Variants in BRD4 observed in about 807,000 individuals in gnomAD.
BRD4 encodes bromodomain containing 4, also known as bromodomain-containing protein 4.
Under a neutral mutation model 142.1 loss-of-function variants are expected in BRD4, and 16 were observed. The observed-to-expected ratio is 0.11, with a 90% CI of 0.08 to 0.17. The LOEUF is 0.17. Ranked by LOEUF, BRD4 falls within the 10% of genes least tolerant of loss-of-function variation. BRD4 has a pLI of 1.00. For missense variants in BRD4, 1,424 were observed against 1,810.9 expected (o/e 0.79, Z 3.88); for synonymous variants, 833 against 707.5 (o/e 1.18, Z -2.82).
chr19:15,288,965 C>T (rs1489653798), intron 1 of BRD4, among the ~76,000 whole-genome samples: 1 of 152,228 alleles, frequency 6.6e-6, no homozygotes, highest in Non-Finnish European at 1.5e-5. Context: ...CTCCTCCACT[C>T]CTGAACATGA....
rs553993519 is a variant in BRD4, at chr19:15,239,700, T to C, written c.3404A>G (p.Lys1135Arg). The change falls in exon 16 of 20, where the codon AAG (lysine) becomes AGG (arginine). Residue 1135 changes from lysine (K) to arginine (R), a missense_variant. By Grantham distance (26) the Lys-to-Arg change is conservative. Around this residue, in one of 16 missense-constraint regions of BRD4, gnomAD observed 598 missense variants for 647.8 expected, o/e 0.92. Coordinates refer to ENST00000679869, the MANE Select transcript of BRD4 (RefSeq NM_001379291.1). The surrounding 1 kb of genome is among the most constrained non-coding windows in gnomAD (Gnocchi z 7.4). ...FSPSLRPEPP[K>R]HPESIKAPVH... The stretch of plus-strand genomic sequence containing the variant: ...GGGGGCCTTGATGCTCTCCGGGTGC[T>C]TGGGGGGCTCCGGCCGCAGCGAGGG... 6.9e-6 allele frequency: 11 copies of C among 1,595,566 alleles called. No individual in the cohort carries two copies. Among genetic ancestry groups the C allele is most frequent in the African/African-American group, 6.7e-5 (5 of 74,512 alleles).
At chr19:15,330,064 C>G (rs2048143737) in intron 1 of BRD4, among the ~76,000 whole-genome samples, 1 of 152,250 alleles carries the variant, frequency 6.6e-6, no homozygotes, top group African/African-American at 2.4e-5. Flanking sequence ...GCCAAACAAT[C>G]CTTAAAACTC....
chr19:15,263,273 C>T (rs2047494008), intron 7 of BRD4, 147 bp downstream of exon 7: 8 of 1,032,224 alleles, frequency 7.8e-6, no homozygotes, highest in Non-Finnish European at 1.1e-5. Context: ...ATGCACTAGG[C>T]TGACTTTAGG....
intron 7 of BRD4, among the ~76,000 whole-genome samples, chr19:15,257,971 G>C (rs2047430796): frequency 6.6e-6 from 1 of 152,160 alleles, no homozygotes; most frequent in African/African-American, 2.4e-5. Context: ...CTGGGGTCTG[G>C]CCACACATAC....
intron 3 of BRD4, 74 bp from the exon 4 acceptor site, chr19:15,267,625 C>T: frequency 9.7e-7 from 1 of 1,035,228 alleles, no homozygotes; most frequent in South Asian, 1.9e-5. Flanking sequence ...CACCCCATGC[C>T]ACCCACCCCC....
At chr19:15,245,242 T>C (rs944352160) in intron 11 of BRD4, among the ~76,000 whole-genome samples, 2 of 152,092 alleles carry the variant, frequency 1.3e-5, no homozygotes, top group African/African-American at 4.8e-5. Context: ...AAGCAGCTTC[T>C]CGGGGGCCTC....
chr19:15,262,071 A>G, intron 7 of BRD4, among the ~76,000 whole-genome samples: 1 of 152,166 alleles, frequency 6.6e-6, no homozygotes, highest in East Asian at 1.9e-4. Context: ...CCTGATCCAC[A>G]GAGAATAGGA....
At position 15,244,350 on chromosome 19, in the gene BRD4, C is replaced by T. The variant is rs2145515852; in HGVS notation, c.2462G>A (p.Gly821Asp). The change falls in exon 13 of 20, where the codon GGC (glycine) becomes GAC (aspartate). Residue 821 changes from glycine (G) to aspartate (D), a missense_variant. By Grantham distance (94) the Gly-to-Asp change is moderately conservative. This residue lies in a region of BRD4 where 598 missense variants were observed against 647.8 expected (regional missense o/e 0.92). Transcript: ENST00000679869. ...QLPGSVFDPI[G>D]HFTQPILHLP... Reference sequence around the variant, plus strand: ...GTGCAGGATGGGCTGGGTGAAGTGGCCGATGGGGTCAAAGACGCTGCCTGG... The same window carrying T: ...GTGCAGGATGGGCTGGGTGAAGTGGTCGATGGGGTCAAAGACGCTGCCTGG... 8.1e-6 allele frequency: 13 copies of T among 1,603,452 alleles called. No individual in the cohort carries two copies. The highest frequency in any genetic ancestry group is 1.0e-5 in the Non-Finnish European group (12 of 1,177,250).
In BRD4 at chr19:15,239,322, TG is replaced by T. The variant is rs974664417; in HGVS notation, c.3577-59del. The T allele has an allele frequency of 1.9e-6, 3 of 1,613,494 alleles. No homozygotes were observed. The African/African-American group carries it at 4.0e-5, about 22-fold the overall frequency. ...GTCTGCTGTGCCTAAAGGGCATAGC[TG>T]GGGGTGTGCCCAGCATGGCACCTTC... is the stretch of plus-strand genomic sequence containing the variant. On this transcript the variant is annotated intron_variant, in intron 17 of 19. Coordinates refer to ENST00000679869, the MANE Select transcript of BRD4 (RefSeq NM_001379291.1). This position sits in a 1 kb window ranked among gnomAD's most constrained non-coding sequence, Gnocchi z 7.4.
chr19:15,248,941 C>T, intron 11 of BRD4: 1 of 453,764 alleles, frequency 2.2e-6, no homozygotes, highest in South Asian at 2.6e-5. Flanking sequence ...AGAGTAGCAC[C>T]ACATGAATGC....
At chr19:15,246,235 T>G (rs2047284952) in intron 11 of BRD4, among the ~76,000 whole-genome samples, 1 of 151,744 alleles carries the variant, frequency 6.6e-6, no homozygotes, top group African/African-American at 2.4e-5. Flanking sequence ...AAAGCTTGAG[T>G]AGATTTGCAG....
intron 1 of BRD4, among the ~76,000 whole-genome samples, chr19:15,283,350 A>T (rs2047718790): frequency 6.6e-6 from 1 of 152,226 alleles, no homozygotes; most frequent in Non-Finnish European, 1.5e-5. Flanking sequence ...TCCGGATGAC[A>T]TCACACCGGT....
In BRD4 at chr19:15,329,228, T is replaced by C. The variant is rs1599537829; in HGVS notation, c.-35+3062A>G. On this transcript the variant is annotated intron_variant, in intron 1 of 19. Transcript: ENST00000679869. ...AGACACCAAAAATCACAAAGATTTA[T>C]GAAACATTAGGAGCTCCAATGACAA... Among the ~76,000 whole-genome samples the C allele has an allele frequency of 2.0e-5, 3 of 152,302 alleles. No individual in the cohort carries two copies. The East Asian group carries it at 5.8e-4, about 29-fold the overall frequency.
intron 7 of BRD4, among the ~76,000 whole-genome samples, chr19:15,262,859 A>C (rs374183030): frequency 2.0e-5 from 3 of 152,154 alleles, no homozygotes; most frequent in East Asian, 1.9e-4. Flanking sequence ...CCTTTTTTAA[A>C]AAAATTAAGT....
chr19:15,332,523 G>GCCT lies in BRD4; in HGVS notation c.-269_-268insAGG, dbSNP rs1228513209. On this transcript the variant is annotated 5_prime_UTR_variant, in exon 1 of 20. Transcript: ENST00000679869. The stretch of plus-strand genomic sequence containing the variant: ...CCCAGCCGCCGCCGCCGCCGCCGCC[G>GCCT]CCGCCGCCAGCGCACTGACGTCACC... 1 of 162,914 alleles carries GCCT rather than the reference G, an allele frequency of 6.1e-6. No homozygotes were observed. The highest frequency in any genetic ancestry group is 1.2e-5 in the Non-Finnish European group (1 of 80,882). The allele number at this position is 162,914 out of a possible 1,614,324, so 10.1% of individuals were successfully genotyped here. A position where few individuals can be genotyped will look rare whatever the true frequency, so the allele number is the denominator to read the frequency against.
At position 15,256,113 on chromosome 19, in the gene BRD4, G is replaced by C; in HGVS notation, c.1702C>G (p.Pro568Ala). The C allele has an allele frequency of 4.3e-6, 7 of 1,611,872 alleles. No homozygotes were observed. The highest frequency in any genetic ancestry group is 5.1e-6 in the Non-Finnish European group (6 of 1,179,844). Reference sequence around the variant, plus strand: ...TTTTTCTTCGTCTTTTTAGGAGGAGGTTCCTTGGCTTTGCTTTTTTTATTC... The same window carrying C: ...TTTTTCTTCGTCTTTTTAGGAGGAGCTTCCTTGGCTTTGCTTTTTTTATTC... ...EENKKSKAKE[P>A]PPKKTKKNNS... is the part of the protein sequence containing the mutation. The change falls in exon 9 of 20, where the codon CCT (proline) becomes GCT (alanine). Residue 568 changes from proline to alanine, a missense_variant. Around this residue, in one of 16 missense-constraint regions of BRD4, gnomAD observed 86 missense variants for 78.9 expected, o/e 1.09. Coordinates refer to ENST00000679869, the MANE Select transcript of BRD4 (RefSeq NM_001379291.1).
Position 15,313,328 on chromosome 19 carries a change from G to A in BRD4, c.-35+18962C>T, listed in dbSNP as rs967715041. 3.4e-5 allele frequency among the ~76,000 whole-genome samples: 5 copies of A among 146,694 alleles called. No individual in the cohort carries two copies. The East Asian group carries it at 6.1e-4, about 18-fold the overall frequency. On this transcript the variant is annotated intron_variant, in intron 1 of 19. Transcript: ENST00000679869. ...GCGGAGCTTGCCGTAAGCCAATATCGTGCCACTTCACTCCAGCCTGGGCAA... is the reference window on the plus strand; with the variant it reads ...GCGGAGCTTGCCGTAAGCCAATATCATGCCACTTCACTCCAGCCTGGGCAA...
In BRD4 at chr19:15,255,632, C is replaced by T. The variant is rs201579111; in HGVS notation, c.1752-40G>A. ...TGCAGACACCATCAAGAACGGGCCC[C>T]CTGAGGAAGCCAGGCACTCATTCCT... On this transcript the variant is annotated intron_variant, in intron 9 of 19. Coordinates refer to ENST00000679869, the MANE Select transcript of BRD4 (RefSeq NM_001379291.1). The T allele has an allele frequency of 3.9e-6, 6 of 1,551,372 alleles. No individual in the cohort carries two copies. The South Asian group carries it at 7.3e-5, about 19-fold the overall frequency.
chr19:15,241,009 A>G (rs1366784492), intron 14 of BRD4, among the ~76,000 whole-genome samples: 1 of 152,210 alleles, frequency 6.6e-6, no homozygotes, highest in Non-Finnish European at 1.5e-5. Context: ...GGCCTGGAGC[A>G]AACCACAATG....
Sources: allele counts gnomAD v4.1 joint callset (sites outside exome capture counted in the v4.1 genomes callset), GRCh38; gene constraint gnomAD v4.1.1; regional missense constraint gnomAD v4.1.1; non-coding constraint Gnocchi (gnomAD v3.1); transcripts MANE v1.5; gene names NCBI Gene and HGNC (gene_info 2026-07-23, HGNC 2026-07-21).